Variants in ATF2 observed in about 807,000 individuals in gnomAD.
The protein encoded by ATF2 is cyclic AMP-dependent transcription factor ATF-2.
Under a neutral mutation model 60.6 loss-of-function variants are expected in ATF2, and 24 were observed. That is an observed-to-expected ratio of 0.40 (90% CI 0.29 to 0.56). The LOEUF is 0.56. ATF2 is among the 20% of genes least tolerant of loss of function. The pLI is 0.54. For missense variants in ATF2, 433 were observed against 607.7 expected (o/e 0.71, Z 3.02); for synonymous variants, 206 against 215.4 (o/e 0.96, Z 0.38).
intron 12 of ATF2, among the ~76,000 whole-genome samples, chr2:175,083,815 C>T (rs1315246963): frequency 2.6e-5 from 4 of 152,052 alleles, no homozygotes; most frequent in South Asian, 4.1e-4. Context: ...ACAAAGAACC[C>T]CATCCAAAAC....
Position 175,155,905 on chromosome 2 carries a change from G to A in ATF2, c.-142-4747C>T, listed in dbSNP as rs530210718. ...ACAATTTCAATCTATGATGAAAATTGTAGGAATCAACTTTAAAATGTACAA... is the reference window on the plus strand; with the variant it reads ...ACAATTTCAATCTATGATGAAAATTATAGGAATCAACTTTAAAATGTACAA... On this transcript the variant is annotated intron_variant, in intron 1 of 13. Transcript: ENST00000264110. Among the ~76,000 whole-genome samples, 16 of 152,262 alleles carry A rather than the reference G, an allele frequency of 1.1e-4. 3 individuals are homozygous for A. Among genetic ancestry groups the A allele is most frequent in the African/African-American group, 3.9e-4 (16 of 41,542 alleles).
chr2:175,107,722 C>T (rs1171521280), intron 10 of ATF2, among the ~76,000 whole-genome samples: 4 of 152,366 alleles, frequency 2.6e-5, no homozygotes, highest in African/African-American at 7.2e-5. Context: ...CGCGCCGCCA[C>T]GCCTGACTGG....
intron 9 of ATF2, 123 bp downstream of exon 9, chr2:175,113,871 C>T: frequency 1.2e-6 from 1 of 842,664 alleles, no homozygotes; most frequent in Non-Finnish European, 1.9e-6. Context: ...CAAATAAATA[C>T]TATCAACTGC....
In ATF2 at chr2:175,074,435, C is replaced by A; in HGVS notation, c.*174G>T. 1 of 635,372 alleles carries A rather than the reference C, an allele frequency of 1.6e-6. No homozygotes were observed. Among genetic ancestry groups the A allele is most frequent in the South Asian group, 3.7e-5 (1 of 27,136 alleles). The allele number at this position is 635,372 out of a possible 1,614,324, so 39.4% of individuals were successfully genotyped here. Reference sequence around the variant, plus strand: ...TCAGTCTTTTTCCAGAGACTAAAAACCGTTTTTCAGTCTGATCAACTGCTG... The same window carrying A: ...TCAGTCTTTTTCCAGAGACTAAAAAACGTTTTTCAGTCTGATCAACTGCTG... On this transcript the variant is annotated 3_prime_UTR_variant, in exon 14 of 14. Transcript: ENST00000264110.
intron 13 of ATF2, chr2:175,080,415 A>T (rs2105536779): frequency 3.5e-6 from 1 of 283,134 alleles, no homozygotes; most frequent in South Asian, 1.5e-4. Context: ...TTAAATTATT[A>T]GCTAATCCAT....
chr2:175,142,850 C>G (rs10174030), intron 2 of ATF2, among the ~76,000 whole-genome samples: 35,465 of 145,840 alleles, frequency 0.24, 4,681 homozygotes, highest in African/African-American at 0.41. Context: ...GTGTGTGTGT[C>G]TGTGTGTGTT....
At chr2:175,113,874 T>C (rs1696372291) in intron 9 of ATF2, 120 bp downstream of exon 9, 1 of 863,406 alleles carries the variant, frequency 1.2e-6, no homozygotes, top group South Asian at 1.5e-5. Flanking sequence ...ATAAATACTA[T>C]CAACTGCTAA....
intron 5 of ATF2, among the ~76,000 whole-genome samples, chr2:175,118,619 T>C (rs547200277): frequency 2.0e-5 from 3 of 151,732 alleles, no homozygotes; most frequent in Non-Finnish European, 3.0e-5. Context: ...CCACTGCTTC[T>C]TTCTGAGTAG....
At chr2:175,157,749 C>T (rs550587955) in intron 1 of ATF2, among the ~76,000 whole-genome samples, 1 of 152,230 alleles carries the variant, frequency 6.6e-6, no homozygotes, top group East Asian at 1.9e-4. Flanking sequence ...AATCCCAGCA[C>T]TTTGGGAGGC....
At chr2:175,151,032 T>C (rs1402009878) in intron 2 of ATF2, 28 bp downstream of exon 2, 1 of 152,564 alleles carries the variant, frequency 6.6e-6, no homozygotes, top group Non-Finnish European at 1.5e-5. Flanking sequence ...AAAGAATACT[T>C]TTATGTTAAA....
rs538237056 is a variant in ATF2 at position 175,135,577 on chromosome 2, C to A, written c.32+835G>T. Reference sequence around the variant, plus strand: ...ATCACTGTAAGTTAGAACAAATGACCTGGTCTCCTCAACAAGTAAATGTCA... The same window carrying A: ...ATCACTGTAAGTTAGAACAAATGACATGGTCTCCTCAACAAGTAAATGTCA... On this transcript the variant is annotated intron_variant, in intron 3 of 13. Transcript: ENST00000264110. 2.0e-5 allele frequency among the ~76,000 whole-genome samples: 3 copies of A among 152,212 alleles called. No individual in the cohort carries two copies. The East Asian group carries it at 5.8e-4, about 29-fold the overall frequency.
At chr2:175,113,838 G>A (rs1696369936) in intron 9 of ATF2, among the ~76,000 whole-genome samples, 156 bp downstream of exon 9, 1 of 151,450 alleles carries the variant, frequency 6.6e-6, no homozygotes, top group Non-Finnish European at 1.5e-5. Context: ...TACCTTGAAT[G>A]GTATATGCTA....
At chr2:175,149,059 T>C (rs1699134263) in intron 2 of ATF2, among the ~76,000 whole-genome samples, 1 of 152,236 alleles carries the variant, frequency 6.6e-6, no homozygotes, top group South Asian at 2.1e-4. Flanking sequence ...AAATATTTTA[T>C]AGAGTTTCAC....
At chr2:175,165,152 A>T (rs1203214224) in intron 1 of ATF2, among the ~76,000 whole-genome samples, 4 of 152,100 alleles carry the variant, frequency 2.6e-5, no homozygotes, top group Admixed American at 1.3e-4. Context: ...GGTACATTTT[A>T]ATTATACAAA....
intron 2 of ATF2, among the ~76,000 whole-genome samples, chr2:175,137,284 G>A (rs1698205358): frequency 6.6e-6 from 1 of 152,082 alleles, no homozygotes; most frequent in South Asian, 2.1e-4. Flanking sequence ...CTTGTCCCAT[G>A]CAAAATTTTT....
chr2:175,119,542 A>G (rs1183440437), intron 5 of ATF2, among the ~76,000 whole-genome samples: 2 of 151,606 alleles, frequency 1.3e-5, no homozygotes, highest in East Asian at 1.9e-4. Context: ...CCCACTTGTA[A>G]TACAAAACTA....
chr2:175,099,738 A>T (rs1406080155), intron 10 of ATF2, among the ~76,000 whole-genome samples: 1 of 152,228 alleles, frequency 6.6e-6, no homozygotes, highest in African/African-American at 2.4e-5. Flanking sequence ...AGGAAACCAG[A>T]TATCATTTGC....
intron 10 of ATF2, among the ~76,000 whole-genome samples, chr2:175,101,439 C>T (rs1695306102): frequency 6.6e-6 from 1 of 151,910 alleles, no homozygotes; most frequent in Admixed American, 6.6e-5. Context: ...TAAATTGGGG[C>T]TTTCATTTCT....
intron 1 of ATF2, among the ~76,000 whole-genome samples, chr2:175,158,414 G>C (rs1699818289): frequency 6.6e-6 from 1 of 151,712 alleles, no homozygotes; most frequent in South Asian, 2.1e-4. Flanking sequence ...GGAGTGACCG[G>C]TCTCACGATG....
Sources: gnomAD v4.1 joint callset for allele counts (sites outside exome capture counted in the v4.1 genomes callset) on GRCh38, gnomAD v4.1.1 for gene constraint, MANE v1.5 for transcripts, NCBI Gene and HGNC (gene_info 2026-07-23, HGNC 2026-07-21) for gene names.